The following PPFIA4 variants were observed in gnomAD, a reference collection of about 807,000 sequenced individuals.
PPFIA4 encodes the protein liprin-alpha-4.
In PPFIA4, 98 loss-of-function variants were observed where a neutral mutation model predicts 145.7. The ratio of observed to expected loss-of-function variants is 0.67; its 90% CI spans 0.57 to 0.80. The LOEUF (loss-of-function observed/expected upper bound fraction) is 0.80, where lower values mean the gene tolerates loss of function less well. Ranked by LOEUF, PPFIA4 falls within the 30% of genes least tolerant of loss-of-function variation. The probability of loss-of-function intolerance (pLI) is 0.00; values close to 1 mark genes in which losing one functional copy is unlikely to be tolerated. For missense variants in PPFIA4, 1,457 were observed against 1,632.7 expected (o/e 0.89, Z 1.85); for synonymous variants, 628 against 649.6 (o/e 0.97, Z 0.51).
chr1:203,036,205 C>T (rs934083756), intron 1 of PPFIA4, among the ~76,000 whole-genome samples: 2 of 152,188 alleles, frequency 1.3e-5, no homozygotes, highest in African/African-American at 4.8e-5. Flanking sequence ...GCTTTCTACT[C>T]TTCATTTGCT....
intron 28 of PPFIA4, 89 bp downstream of exon 28, chr1:203,071,849 T>A: frequency 3.5e-6 from 4 of 1,151,188 alleles, no homozygotes; most frequent in Non-Finnish European, 5.1e-6. Flanking sequence ...CCTGGGCTAA[T>A]TGTTGGAAGG....
chr1:203,067,448 C>G, intron 25 of PPFIA4: 1 of 446,824 alleles, frequency 2.2e-6, no homozygotes, highest in Non-Finnish European at 4.0e-6. Context: ...AACTTTTTTT[C>G]CCATCAATCC....
At position 203,053,763 on chromosome 1, in the gene PPFIA4, C is replaced by T; in HGVS notation, c.1631C>T (p.Thr544Ile). Residue 544 changes from threonine to isoleucine, a missense_variant, in exon 15 of 30, where the codon ACT (threonine) becomes ATT (isoleucine). Thr to Ile is a moderately conservative substitution (Grantham distance 89, BLOSUM62 -1). Transcript: ENST00000295706. ...LREESAKDWE[T>I]SPLPGMLAPA... ...TCCTCCTTTGCTAAGGACTGGGAGA[C>T]TTCTCCACTGCCTGGGATGCTGGCC... 1 of 1,550,764 alleles carries T rather than the reference C, an allele frequency of 6.4e-7. No homozygotes were observed.
At chr1:203,039,352 T>A in intron 2 of PPFIA4, 110 bp downstream of exon 2, 1 of 786,202 alleles carries the variant, frequency 1.3e-6, no homozygotes, top group Non-Finnish European at 1.9e-6. Context: ...ATAATTGGAA[T>A]TCACTGAGCA....
At chr1:203,057,630 AACT>A (rs1661067083) in intron 19 of PPFIA4, among the ~76,000 whole-genome samples, 1 of 152,234 alleles carries the variant, frequency 6.6e-6, no homozygotes, top group Non-Finnish European at 1.5e-5. Context: ...TTTATTGAGT[AACT>A]ACTGTATGTC....
In PPFIA4 at chr1:203,061,653, A is replaced by T; in HGVS notation, c.2849A>T (p.Asp950Val). ...METLETSTKT[D>V]SEEGSWAQTL... is the part of the protein sequence containing the mutation. ...ACACGCTGCACTCGTTCCTGCTAGG[A>T]CAGTGAGGAGGGCAGCTGGGCTCAG... Residue 950 changes from aspartate (D) to valine (V), a missense_variant and splice_region_variant, in exon 24 of 30, where the codon GAC (aspartate) becomes GTC (valine). This residue lies in a region of PPFIA4 where 848 missense variants were observed against 1,046.7 expected (regional missense o/e 0.81). Coordinates refer to ENST00000295706, the MANE Select transcript of PPFIA4 (RefSeq NM_001304331.2). 1 of 1,565,724 alleles carries T rather than the reference A, an allele frequency of 6.4e-7. No individual in the cohort carries two copies. The highest frequency in any genetic ancestry group is 8.7e-7 in the Non-Finnish European group (1 of 1,154,974).
chr1:203,044,339 G>C, intron 4 of PPFIA4, 40 bp from the exon 5 acceptor site: 2 of 1,536,466 alleles, frequency 1.3e-6, no homozygotes, highest in Non-Finnish European at 1.8e-6. Context: ...ACTCAAGTGG[G>C]GTCCCCCTTT....
chr1:203,062,745 C>A (rs1661481170), intron 24 of PPFIA4, among the ~76,000 whole-genome samples: 1 of 152,004 alleles, frequency 6.6e-6, no homozygotes, highest in African/African-American at 2.4e-5. Flanking sequence ...GAATTTGATC[C>A]CAAAACTCAA....
At chr1:203,072,618 A>G (rs995107895) in intron 28 of PPFIA4, among the ~76,000 whole-genome samples, 1 of 152,162 alleles carries the variant, frequency 6.6e-6, no homozygotes, top group Non-Finnish European at 1.5e-5. Flanking sequence ...TCTGGCTCCA[A>G]ACAAGTTAAA....
chr1:203,045,266 C>A lies in PPFIA4; in HGVS notation c.667-102C>A, dbSNP rs543766008. 121 of 1,059,132 alleles carry A rather than the reference C, an allele frequency of 1.1e-4. 1 individual carries two copies. In the African/African-American group the frequency reaches 1.7e-3, roughly 15 times the overall value. 65.6% of individuals were successfully genotyped at this position (1,059,132 alleles called of 1,614,324 possible). A position where few individuals can be genotyped will look rare whatever the true frequency, so the allele number is the denominator to read the frequency against. ...TGTGATGTTGGGGGCAGAGCCTTGA[C>A]CTGCTCTGGGTGTGCTGTTCCTCCT... On this transcript the variant is annotated intron_variant, in intron 6 of 29. Transcript: ENST00000295706.
At position 203,076,329 on chromosome 1, in the gene PPFIA4, T is replaced by C. The variant is rs768165534; in HGVS notation, c.3575-12T>C. 6.2e-7 allele frequency: 1 copy of C among 1,603,488 alleles called. No homozygotes were observed. The highest frequency in any genetic ancestry group is 1.7e-5 in the Admixed American group (1 of 60,026). ...CCTCACAGTGCGATGCCTGTCTCTC[T>C]CTCTCCCTCAGCTCACTCCCACTAT... On this transcript the variant is annotated splice_polypyrimidine_tract_variant and intron_variant, in intron 29 of 29. Transcript: ENST00000295706.
At position 203,044,793 on chromosome 1, in the gene PPFIA4, A is replaced by G; in HGVS notation, c.666+8A>G. ...CCGAAACGCCTGTGGAAGGTAGGTC[A>G]TGGAGAGCTGTGTAGCAGGGGTCAT... On this transcript the variant is annotated splice_region_variant and intron_variant, in intron 6 of 29. Coordinates refer to ENST00000295706, the MANE Select transcript of PPFIA4 (RefSeq NM_001304331.2). 1.3e-6 allele frequency: 2 copies of G among 1,557,690 alleles called. No individual in the cohort carries two copies. The highest frequency in any genetic ancestry group is 1.7e-6 in the Non-Finnish European group (2 of 1,150,946).
At chr1:203,059,518 T>C (rs1292376933) in intron 20 of PPFIA4, among the ~76,000 whole-genome samples, 1 of 152,162 alleles carries the variant, frequency 6.6e-6, no homozygotes, top group African/African-American at 2.4e-5. Flanking sequence ...GCAGGGCAGA[T>C]TGAAATCTCT....
chr1:203,058,119 T>C (rs1306269126), intron 19 of PPFIA4, among the ~76,000 whole-genome samples: 1 of 152,100 alleles, frequency 6.6e-6, no homozygotes, highest in Non-Finnish European at 1.5e-5. Flanking sequence ...TCAACTAGAA[T>C]AAAGGAACCT....
chr1:203,054,378 A>G (rs1240489261), intron 15 of PPFIA4, among the ~76,000 whole-genome samples: 1 of 152,200 alleles, frequency 6.6e-6, no homozygotes, highest in African/African-American at 2.4e-5. Context: ...AGAAACTCAG[A>G]GAGGTTAAGT....
chr1:203,065,128 C>A (rs1315348093), intron 25 of PPFIA4, among the ~76,000 whole-genome samples: 1 of 152,184 alleles, frequency 6.6e-6, no homozygotes, highest in East Asian at 1.9e-4. Context: ...AACATTAAGG[C>A]ATGGGGAGGA....
At chr1:203,058,270 T>C (rs568629192) in intron 19 of PPFIA4, among the ~76,000 whole-genome samples, 1 of 151,984 alleles carries the variant, frequency 6.6e-6, no homozygotes, top group African/African-American at 2.4e-5. Flanking sequence ...AGGAATTTGC[T>C]GAGACAGGGA....
rs1477074857 is a variant in PPFIA4, at chr1:203,055,202, T to C, written c.1830-230T>C. The stretch of plus-strand genomic sequence containing the variant: ...GAATTCTGATTTTCAGGATGGTTTA[T>C]GTTCCACTGACGAAAGTGCCTCCTT... On this transcript the variant is annotated intron_variant, in intron 15 of 29. Coordinates refer to ENST00000295706, the MANE Select transcript of PPFIA4 (RefSeq NM_001304331.2). The surrounding 1 kb of genome is among the most constrained non-coding windows in gnomAD (Gnocchi z 4.8). Among the ~76,000 whole-genome samples the C allele has an allele frequency of 6.6e-6, 1 of 152,260 alleles. No individual in the cohort carries two copies. Among genetic ancestry groups the C allele is most frequent in the East Asian group, 1.9e-4 (1 of 5,202 alleles).
At chr1:203,033,177 A>C (rs542192241) in intron 1 of PPFIA4, among the ~76,000 whole-genome samples, 1 of 152,186 alleles carries the variant, frequency 6.6e-6, no homozygotes. Flanking sequence ...CTGTGAGAGC[A>C]CTGGAGCGTA....
Sources: gnomAD v4.1 joint callset for allele counts (sites outside exome capture counted in the v4.1 genomes callset) on GRCh38, gnomAD v4.1.1 for gene constraint, gnomAD v4.1.1 regional missense constraint, Gnocchi (gnomAD v3.1) non-coding constraint, MANE v1.5 for transcripts, NCBI Gene and HGNC (gene_info 2026-07-23, HGNC 2026-07-21) for gene names.